DMD: variants seen among roughly 807,000 people sequenced by gnomAD.
DMD encodes mutant dystrophin.
DMD carries 63 observed loss-of-function variants against 330.1 expected under a neutral mutation model. The observed-to-expected ratio is 0.19, with a 90% CI of 0.16 to 0.24. The LOEUF is 0.24. Among genes scored for constraint, DMD ranks in the 10% least tolerant of loss-of-function variants. The pLI, the probability that DMD is intolerant of heterozygous loss-of-function variation, is 1.00. For synonymous variants in DMD, 1,223 were observed against 959.8 expected (o/e 1.27, Z -5.07); for missense variants, 3,344 against 2,684.1 (o/e 1.25, Z -5.43).
At chrX:31,762,203 C>T (rs2089648516) in intron 51 of DMD, among the ~76,000 whole-genome samples, 1 of 112,011 alleles carries the variant, frequency 8.9e-6, no homozygotes, top group Non-Finnish European at 1.9e-5. Context: ...CTTTTACTTT[C>T]CCCATTTTCC....
At position 31,292,558 on chromosome X, in the gene DMD, T is replaced by C. The variant is rs1182986835; in HGVS notation, c.9224+31040A>G. On this transcript the variant is annotated intron_variant, in intron 62 of 78. Transcript: ENST00000357033. ...ACTTTGGAAAACCAGGAGTATCTAC[T>C]AAAGCTCAGCATATGCCTACCCTCA... Among the ~76,000 whole-genome samples, 3 of 111,606 alleles carry C rather than the reference T, an allele frequency of 2.7e-5. No homozygotes were observed. In the East Asian group the frequency reaches 8.4e-4, roughly 31 times the overall value.
intron 2 of DMD, among the ~76,000 whole-genome samples, chrX:32,977,231 C>T (rs980242506): frequency 4.2e-4 from 46 of 110,489 alleles, no homozygotes; most frequent in African/African-American, 1.4e-3. Context: ...ACCCAGGAGG[C>T]GGAGGTTGCA....
intron 33 of DMD, among the ~76,000 whole-genome samples, chrX:32,382,832 TTTTG>T (rs1377599811): frequency 9.0e-6 from 1 of 110,978 alleles, no homozygotes. Flanking sequence ...ATTTATTTCA[TTTTG>T]TTTATTTCCA....
chrX:33,281,990 A>G (rs1199309300), intron 1 of DMD, among the ~76,000 whole-genome samples: 1 of 109,689 alleles, frequency 9.1e-6, no homozygotes, highest in Non-Finnish European at 1.9e-5. Flanking sequence ...GAATCCCTAT[A>G]CTGGTACCCT....
At chrX:33,179,648 C>G (rs1188131119) in intron 1 of DMD, among the ~76,000 whole-genome samples, 3 of 105,261 alleles carry the variant, frequency 2.9e-5, no homozygotes, top group Non-Finnish European at 3.9e-5. Context: ...GAGCCGAGAT[C>G]GCGCCACTGC....
chrX:32,646,891 G>A (rs962992462), intron 9 of DMD, among the ~76,000 whole-genome samples: 20 of 110,990 alleles, frequency 1.8e-4, no homozygotes, highest in African/African-American at 6.6e-4. Context: ...TATCAAAGAG[G>A]GTAAGTGCAC....
At chrX:32,843,093 C>T (rs1308790318) in intron 4 of DMD, among the ~76,000 whole-genome samples, 1 of 112,186 alleles carries the variant, frequency 8.9e-6, no homozygotes, top group African/African-American at 3.2e-5. Context: ...CAGGCATGAG[C>T]ACCGCGCCCG....
chrX:32,693,850 C>A (rs747431306), intron 9 of DMD, among the ~76,000 whole-genome samples: 1 of 111,621 alleles, frequency 9.0e-6, no homozygotes, highest in Admixed American at 9.5e-5. Flanking sequence ...CATGCACACA[C>A]CACTGAAATT....
chrX:32,931,960 C>G (rs1226512239), intron 2 of DMD, among the ~76,000 whole-genome samples: 3 of 111,656 alleles, frequency 2.7e-5, no homozygotes, highest in African/African-American at 9.8e-5. Flanking sequence ...AGTCCCTATT[C>G]AGAACCAGAC....
At chrX:32,935,220 C>T (rs751843165) in intron 2 of DMD, among the ~76,000 whole-genome samples, 74 of 112,694 alleles carry the variant, frequency 6.6e-4, no homozygotes, top group African/African-American at 2.3e-3. Flanking sequence ...CCTCATGATC[C>T]GCCCATCTCG....
chrX:31,435,227 C>T (rs1350265266), intron 60 of DMD, among the ~76,000 whole-genome samples: 1 of 112,069 alleles, frequency 8.9e-6, no homozygotes, highest in Non-Finnish European at 1.9e-5. Context: ...GAATGGCATA[C>T]AGTAAGTGCT....
At chrX:32,821,453 G>A (rs1414837782) in intron 5 of DMD, among the ~76,000 whole-genome samples, 1 of 33,055 alleles carries the variant, frequency 3.0e-5, no homozygotes, top group African/African-American at 1.6e-4. Flanking sequence ...CGGGCGTGGT[G>A]GGGGGGCGCC....
At chrX:31,261,059 A>C in intron 62 of DMD, 43 bp from the exon 63 acceptor site, 2 of 1,098,777 alleles carry the variant, frequency 1.8e-6, no homozygotes, top group Non-Finnish European at 2.5e-6. Flanking sequence ...ATTTACAATG[A>C]GTAGTCAAGA....
chrX:32,670,734 G>T (rs887689987), intron 9 of DMD, among the ~76,000 whole-genome samples: 1 of 112,211 alleles, frequency 8.9e-6, no homozygotes, highest in Non-Finnish European at 1.9e-5. Context: ...TGTAAACAAA[G>T]ACCTTTATTT....
intron 42 of DMD, among the ~76,000 whole-genome samples, chrX:32,292,751 T>A (rs1443884504): frequency 1.8e-5 from 2 of 111,810 alleles, no homozygotes; most frequent in African/African-American, 6.5e-5. Context: ...CAATAAAACT[T>A]AGAGGATTTT....
chrX:31,405,970 C>T (rs1454469966), intron 60 of DMD, among the ~76,000 whole-genome samples: 1 of 111,877 alleles, frequency 8.9e-6, no homozygotes, highest in Non-Finnish European at 1.9e-5. Flanking sequence ...AATAGCTAGA[C>T]GTTGTCACAA....
At chrX:32,380,806 A>C in intron 33 of DMD, 126 bp from the exon 34 acceptor site, 5 of 549,806 alleles carry the variant, frequency 9.1e-6, no homozygotes, top group Non-Finnish European at 1.4e-5. Flanking sequence ...GTTTTAAAAT[A>C]ATATTTTATA....
intron 7 of DMD, among the ~76,000 whole-genome samples, chrX:32,740,515 C>T (rs778435653): frequency 9.0e-6 from 1 of 110,698 alleles, no homozygotes; most frequent in Non-Finnish European, 1.9e-5. Context: ...AAGTTAATGA[C>T]CACCAACATA....
chrX:31,783,969 C>G (rs2091161633), intron 50 of DMD, among the ~76,000 whole-genome samples: 1 of 111,784 alleles, frequency 8.9e-6, no homozygotes, highest in South Asian at 3.7e-4. Flanking sequence ...CTCATCATAC[C>G]ACTCTGGTGT....
Sources: allele counts gnomAD v4.1 joint callset (sites outside exome capture counted in the v4.1 genomes callset), GRCh38; gene constraint gnomAD v4.1.1; transcripts MANE v1.5; gene names NCBI Gene and HGNC (gene_info 2026-07-23, HGNC 2026-07-21).